Variants in ATF6 observed in about 807,000 individuals in gnomAD.
The protein encoded by ATF6 is cyclic AMP-dependent transcription factor ATF-6 alpha.
In ATF6, 53 loss-of-function variants were observed where a neutral mutation model predicts 83.6. The observed-to-expected ratio is 0.63, with a 90% confidence interval of 0.51 to 0.80. The LOEUF (loss-of-function observed/expected upper bound fraction) is 0.80, where lower values mean the gene tolerates loss of function less well. Ranked by LOEUF, ATF6 falls within the 30% of genes least tolerant of loss-of-function variation. The pLI is 0.00. For missense variants in ATF6, 744 were observed against 797.9 expected (o/e 0.93, Z 0.81); for synonymous variants, 288 against 285.8 (o/e 1.01, Z -0.08).
At chr1:161,930,018 T>A (rs1201176075) in intron 15 of ATF6, among the ~76,000 whole-genome samples, 1 of 152,032 alleles carries the variant, frequency 6.6e-6, no homozygotes, top group Admixed American at 6.6e-5. Flanking sequence ...AAGCAAGGAG[T>A]TCAGTTAGTA....
At chr1:161,818,330 A>G (rs1388616099) in intron 7 of ATF6, among the ~76,000 whole-genome samples, 7 of 152,192 alleles carry the variant, frequency 4.6e-5, no homozygotes, top group Non-Finnish European at 7.3e-5. Flanking sequence ...AATTAGACTA[A>G]TGTATAACAA....
intron 6 of ATF6, among the ~76,000 whole-genome samples, 159 bp from the exon 7 acceptor site, chr1:161,801,893 A>G (rs1481036943): frequency 6.6e-6 from 1 of 152,174 alleles, no homozygotes; most frequent in Admixed American, 6.5e-5. Flanking sequence ...AAGTCACCAT[A>G]AGCGTGTGCT....
rs75615883 is a variant in ATF6, at chr1:161,881,858, G to T, written c.1719+18546G>T. ...TTAAGAAATATTTGCCTAACTAAAG[G>T]TCACAAATATTTTCTCATATTTTTT... On this transcript the variant is annotated intron_variant, in intron 14 of 15. Transcript: ENST00000367942. Among the ~76,000 whole-genome samples the T allele has an allele frequency of 9.8e-3, 1,492 of 152,098 alleles. 26 individuals are homozygous for T. Among genetic ancestry groups the T allele is most frequent in the African/African-American group, 0.034 (1,426 of 41,500 alleles).
At chr1:161,850,755 T>C (rs1390648170) in intron 10 of ATF6, among the ~76,000 whole-genome samples, 1 of 152,194 alleles carries the variant, frequency 6.6e-6, no homozygotes, top group Non-Finnish European at 1.5e-5. Context: ...TGTTTTCTTT[T>C]GAGATATTAG....
At chr1:161,851,233 A>AAC (rs60202873) in intron 10 of ATF6, among the ~76,000 whole-genome samples, 1,732 of 75,432 alleles carry the variant, frequency 0.023, 54 homozygotes, top group East Asian at 0.11. Context: ...CCCTATCCTT[A>AAC]ACACACACAC....
intron 9 of ATF6, among the ~76,000 whole-genome samples, chr1:161,844,505 G>A (rs1386583959): frequency 6.6e-6 from 1 of 152,060 alleles, no homozygotes; most frequent in Non-Finnish European, 1.5e-5. Flanking sequence ...AATAATTAGG[G>A]TGGTAGAGAT....
intron 4 of ATF6, among the ~76,000 whole-genome samples, chr1:161,790,129 T>C (rs1284841767): frequency 1.3e-5 from 2 of 152,204 alleles, no homozygotes; most frequent in African/African-American, 4.8e-5. Flanking sequence ...CCAATATATA[T>C]CTTTTAACTT....
In ATF6 at chr1:161,829,977, T is replaced by G. The variant is rs535962399; in HGVS notation, c.1187+8816T>G. ...AGGGCAATCAGGCAGGAGAAAGAAA[T>G]AAAGGGTATTCAATTAGGAAAAGAG... On this transcript the variant is annotated intron_variant, in intron 9 of 15. Transcript: ENST00000367942. Among the ~76,000 whole-genome samples the G allele has an allele frequency of 5.9e-5, 9 of 152,130 alleles. 1 individual carries two copies. Among genetic ancestry groups the G allele is most frequent in the African/African-American group, 1.9e-4 (8 of 41,498 alleles).
At chr1:161,929,396 T>TA (rs1267566578) in intron 15 of ATF6, among the ~76,000 whole-genome samples, 4 of 152,178 alleles carry the variant, frequency 2.6e-5, no homozygotes, top group Non-Finnish European at 5.9e-5. Context: ...TGCAACTAGA[T>TA]ACCACTCCTT....
At chr1:161,915,491 T>C (rs1293417954) in intron 15 of ATF6, among the ~76,000 whole-genome samples, 1 of 152,210 alleles carries the variant, frequency 6.6e-6, no homozygotes, top group Non-Finnish European at 1.5e-5. Flanking sequence ...ACTTCTAAGG[T>C]AATTTCTTCC....
intron 15 of ATF6, among the ~76,000 whole-genome samples, chr1:161,926,488 A>G (rs1190279999): frequency 6.6e-6 from 1 of 152,156 alleles, no homozygotes; most frequent in Non-Finnish European, 1.5e-5. Context: ...GCTGCTCACA[A>G]CATGGCTTCC....
intron 15 of ATF6, among the ~76,000 whole-genome samples, chr1:161,946,998 A>T (rs1025203939): frequency 6.6e-6 from 1 of 152,202 alleles, no homozygotes; most frequent in Non-Finnish European, 1.5e-5. Context: ...ACCAGAATTC[A>T]CTCGGTATAT....
intron 1 of ATF6, among the ~76,000 whole-genome samples, chr1:161,772,003 C>T (rs1051672655): frequency 2.6e-5 from 4 of 152,184 alleles, no homozygotes; most frequent in African/African-American, 4.8e-5. Context: ...CTACCAATAA[C>T]ATCTCACTTT....
At chr1:161,841,000 A>G (rs993154599) in intron 9 of ATF6, among the ~76,000 whole-genome samples, 1 of 152,194 alleles carries the variant, frequency 6.6e-6, no homozygotes, top group African/African-American at 2.4e-5. Flanking sequence ...CCAAATGCGC[A>G]TTCATTATAC....
chr1:161,934,303 T>C (rs1571246995), intron 15 of ATF6, among the ~76,000 whole-genome samples: 1 of 152,204 alleles, frequency 6.6e-6, no homozygotes, highest in East Asian at 1.9e-4. Context: ...TAAAGAAAAG[T>C]TTGAAAAAAA....
chr1:161,866,987 A>G (rs927126288), intron 14 of ATF6, among the ~76,000 whole-genome samples: 9 of 152,112 alleles, frequency 5.9e-5, no homozygotes, highest in African/African-American at 2.2e-4. Flanking sequence ...TGGACTCAAT[A>G]ATGCTTATTT....
chr1:161,795,178 C>A (rs950261549), intron 6 of ATF6, among the ~76,000 whole-genome samples: 2 of 151,966 alleles, frequency 1.3e-5, no homozygotes, highest in Non-Finnish European at 2.9e-5. Context: ...CTCAAGAATT[C>A]TACACTTTAA....
chr1:161,812,376 T>C (rs965243541), intron 7 of ATF6, among the ~76,000 whole-genome samples: 18 of 41,460 alleles, frequency 4.3e-4, no homozygotes, highest in Non-Finnish European at 6.5e-4. Flanking sequence ...ATTTTCTTTT[T>C]TTTTTTTTTT....
At chr1:161,883,814 C>T (rs1414445551) in intron 14 of ATF6, among the ~76,000 whole-genome samples, 1 of 151,862 alleles carries the variant, frequency 6.6e-6, no homozygotes, top group Non-Finnish European at 1.5e-5. Context: ...AAGCCTGTCA[C>T]CTTGACATTT....
Sources: allele counts gnomAD v4.1 joint callset (sites outside exome capture counted in the v4.1 genomes callset), GRCh38; gene constraint gnomAD v4.1.1; transcripts MANE v1.5; gene names NCBI Gene and HGNC (gene_info 2026-07-23, HGNC 2026-07-21).